The following ATP2C2 variants were observed in gnomAD, a reference collection of about 807,000 sequenced individuals.
ATP2C2 encodes calcium-transporting ATPase type 2C member 2.
Under a neutral mutation model 110.8 loss-of-function variants are expected in ATP2C2, and 171 were observed. The observed-to-expected ratio is 1.54, with a 90% confidence interval of 1.36 to 1.75. ATP2C2 has a LOEUF of 1.75. Ranked by LOEUF, ATP2C2 falls within the 40% of genes most tolerant of loss-of-function variation. The probability of loss-of-function intolerance (pLI) is 0.00; values close to 1 mark genes in which losing one functional copy is unlikely to be tolerated. For missense variants in ATP2C2, 1,963 were observed against 1,235.0 expected, an observed-to-expected ratio of 1.59 and a Z score of -8.84; for synonymous variants, 804 against 508.4, an observed-to-expected ratio of 1.58 and a Z score of -7.82.
At chr16:84,377,560 G>C (rs1218094278) in intron 1 of ATP2C2, among the ~76,000 whole-genome samples, 2 of 152,032 alleles carry the variant, frequency 1.3e-5, no homozygotes, top group Non-Finnish European at 2.9e-5. Flanking sequence ...GTTGTCCTCT[G>C]TGCATGGCTG....
chr16:84,395,624 C>T (rs1904924922), intron 1 of ATP2C2, among the ~76,000 whole-genome samples: 1 of 151,736 alleles, frequency 6.6e-6, no homozygotes, highest in African/African-American at 2.4e-5. Flanking sequence ...TTCTCCCTGA[C>T]TCAGCCTCCA....
intron 1 of ATP2C2, among the ~76,000 whole-genome samples, chr16:84,392,545 C>G (rs567481060): frequency 6.6e-6 from 1 of 152,282 alleles, no homozygotes; most frequent in South Asian, 2.1e-4. Context: ...TCACTGCAAC[C>G]TCTGCCTCCT....
intron 11 of ATP2C2, among the ~76,000 whole-genome samples, chr16:84,435,437 G>T (rs1366902790): frequency 6.6e-6 from 1 of 152,210 alleles, no homozygotes; most frequent in Non-Finnish European, 1.5e-5. Flanking sequence ...TGCTAGGCCA[G>T]CGCAGGCCTA....
Position 84,406,633 on chromosome 16 carries a change from G to C in ATP2C2, c.327+1389G>C, listed in dbSNP as rs535547403. ...TGTTATTCATCGATGCGTTTTGGCAGCAAAATAGGCTTCTGGGTATGTAGG... is the reference window on the plus strand; with the variant it reads ...TGTTATTCATCGATGCGTTTTGGCACCAAAATAGGCTTCTGGGTATGTAGG... On this transcript the variant is annotated intron_variant, in intron 3 of 26. Transcript: ENST00000262429. The C allele has an allele frequency of 5.2e-5, 51 of 985,556 alleles. No individual in the cohort carries two copies. The South Asian group carries it at 1.9e-3, about 37-fold the overall frequency. 61.1% of individuals were successfully genotyped at this position (985,556 alleles called of 1,614,324 possible).
At chr16:84,408,332 T>C in intron 3 of ATP2C2, 73 bp from the exon 4 acceptor site, 1 of 1,444,678 alleles carries the variant, frequency 6.9e-7, no homozygotes, top group East Asian at 2.3e-5. Context: ...TCACACAAAC[T>C]TCTGCACAGT....
At chr16:84,441,055 C>T in intron 14 of ATP2C2, 97 bp downstream of exon 14, 1 of 1,073,402 alleles carries the variant, frequency 9.3e-7, no homozygotes, top group South Asian at 1.4e-5. Context: ...CCTACTGGTT[C>T]TTGACAATGA....
At chr16:84,445,651 A>T (rs1909678562) in intron 15 of ATP2C2, among the ~76,000 whole-genome samples, 1 of 152,190 alleles carries the variant, frequency 6.6e-6, no homozygotes, top group Non-Finnish European at 1.5e-5. Flanking sequence ...TGTGGGGTAC[A>T]ATTCAACCCC....
chr16:84,448,044 G>T (rs1909921394), intron 16 of ATP2C2, among the ~76,000 whole-genome samples: 1 of 152,034 alleles, frequency 6.6e-6, no homozygotes, highest in Admixed American at 6.6e-5. Context: ...CTACATGTTT[G>T]TCATGACAGA....
At chr16:84,401,331 C>G (rs1341603544) in intron 2 of ATP2C2, among the ~76,000 whole-genome samples, 1 of 147,560 alleles carries the variant, frequency 6.8e-6, no homozygotes, top group Non-Finnish European at 1.5e-5. Flanking sequence ...TCAAGCAATT[C>G]TCCTGCCTCA....
At position 84,448,534 on chromosome 16, in the gene ATP2C2, A is replaced by G; in HGVS notation, c.1505A>G (p.Asp502Gly). ...TTTCTTCCCTTTGTCTTTTCTAAGG[A>G]TCAGGAAGACATTTACTTCATGAAA... ...MAVKCSLKTE[D>G]QEDIYFMKGA... The change falls in exon 17 of 27, where the codon GAT (aspartate) becomes GGT (glycine). Residue 502 changes from aspartate to glycine, a missense_variant and splice_region_variant. Asp to Gly is a moderately conservative substitution (Grantham distance 94). Transcript: ENST00000262429. 1 of 1,609,476 alleles carries G rather than the reference A, an allele frequency of 6.2e-7. No homozygotes were observed. The highest frequency in any genetic ancestry group is 8.5e-7 in the Non-Finnish European group (1 of 1,176,798).
intron 1 of ATP2C2, among the ~76,000 whole-genome samples, chr16:84,383,760 T>TGTGTGTGTGTGTGTGTGTGTGTGTG (rs1246366949): frequency 1.4e-5 from 2 of 146,204 alleles, no homozygotes; most frequent in Admixed American, 7.0e-5. Context: ...TATGTGTGTG[T>TGTGTGTGTGTGTGTGTGTGTGTGTG]TGGGGGTGGG....
At position 84,433,606 on chromosome 16, in the gene ATP2C2, C is replaced by G. The variant is rs563840845; in HGVS notation, c.987-5560C>G. 5.9e-5 allele frequency among the ~76,000 whole-genome samples: 9 copies of G among 151,842 alleles called. No individual in the cohort carries two copies. In the East Asian group the frequency reaches 1.7e-3, roughly 29 times the overall value. On this transcript the variant is annotated intron_variant, in intron 11 of 26. Coordinates refer to ENST00000262429, the MANE Select transcript of ATP2C2 (RefSeq NM_014861.4). ...GGTGGAGGTTGTGGCGAGCCGAGAT[C>G]GCACCACTGCACTCCAGCCTAGGGA...
intron 6 of ATP2C2, among the ~76,000 whole-genome samples, chr16:84,413,983 G>T (rs889361424): frequency 2.6e-5 from 4 of 152,146 alleles, no homozygotes; most frequent in Non-Finnish European, 4.4e-5. Context: ...CCTTGGAATT[G>T]TCCAGGTACA....
intron 7 of ATP2C2, 107 bp downstream of exon 7, chr16:84,415,698 C>T (rs759387121): frequency 2.3e-6 from 2 of 855,746 alleles, no homozygotes; most frequent in Non-Finnish European, 3.6e-6. Flanking sequence ...CACACATGCT[C>T]AAACATACAT....
At chr16:84,462,294 C>CT in intron 26 of ATP2C2, 165 bp downstream of exon 26, 1 of 869,706 alleles carries the variant, frequency 1.1e-6, no homozygotes, top group Non-Finnish European at 1.7e-6. Flanking sequence ...GGAAGGGACT[C>CT]TAACGTGGGT....
At chr16:84,405,682 G>A (rs1051187694) in intron 3 of ATP2C2, among the ~76,000 whole-genome samples, 15 of 152,102 alleles carry the variant, frequency 9.9e-5, no homozygotes, top group African/African-American at 3.4e-4. Flanking sequence ...CACTTTGGGC[G>A]GCTGAAGCGG....
At chr16:84,433,060 C>T (rs1908420676) in intron 11 of ATP2C2, among the ~76,000 whole-genome samples, 1 of 152,116 alleles carries the variant, frequency 6.6e-6, no homozygotes, top group African/African-American at 2.4e-5. Context: ...GAACACAGGA[C>T]TCTCAGAAGA....
chr16:84,423,487 C>T (rs961481808), intron 10 of ATP2C2, among the ~76,000 whole-genome samples: 11 of 152,226 alleles, frequency 7.2e-5, no homozygotes, highest in African/African-American at 9.6e-5. Flanking sequence ...ACAGAGTAAA[C>T]GCTTGTTCCT....
At chr16:84,426,048 T>G (rs1907785846) in intron 11 of ATP2C2, 2 of 388,132 alleles carry the variant, frequency 5.2e-6, no homozygotes, top group African/African-American at 2.8e-5. Context: ...GTTCTTGCAT[T>G]GCTAAAAAAA....
Sources: gnomAD v4.1 joint callset for allele counts (sites outside exome capture counted in the v4.1 genomes callset) on GRCh38, gnomAD v4.1.1 for gene constraint, MANE v1.5 for transcripts, NCBI Gene and HGNC (gene_info 2026-07-23, HGNC 2026-07-21) for gene names.